Variants in MAPDA observed in about 807,000 individuals in gnomAD.
MAPDA encodes the protein N6-Methyl-AMP deaminase.
At chr15:43,350,900 ATT>A in the MAPDA span, 1 of 1,487,374 alleles carries the variant, frequency 6.7e-7, no homozygotes, top group Non-Finnish European at 9.2e-7. Flanking sequence ...GAGTTCACTT[ATT>A]TGCTTTTAAT....
chr15:43,351,557 C>T, the MAPDA span: 1 of 565,400 alleles, frequency 1.8e-6, no homozygotes, highest in Non-Finnish European at 3.0e-6. Flanking sequence ...AGAGTTGAAA[C>T]ACTGCTCTGG....
the MAPDA span, chr15:43,351,880 G>C: frequency 1.3e-6 from 2 of 1,551,670 alleles, no homozygotes; most frequent in Non-Finnish European, 1.7e-6. Context: ...CTTTGCTTCT[G>C]ACAGCACCAG....
At chr15:43,341,179 C>T in the MAPDA span, among the ~76,000 whole-genome samples, 3 of 152,044 alleles carry the variant, frequency 2.0e-5, no homozygotes, top group Non-Finnish European at 2.9e-5. Context: ...ATATGTAGCT[C>T]AGTAATCATT....
the MAPDA span, chr15:43,354,308 G>A: frequency 6.6e-6 from 1 of 152,174 alleles, no homozygotes; most frequent in Non-Finnish European, 1.5e-5. Flanking sequence ...AGATACGTGT[G>A]TGTAGCTTTG....
At chr15:43,334,650 T>TTTTATAATATATATATTTTAAA in the MAPDA span, among the ~76,000 whole-genome samples, 1 of 123,306 alleles carries the variant, frequency 8.1e-6, no homozygotes, top group African/African-American at 2.6e-5. Flanking sequence ...TATATATATA[T>TTTTATAATATATATATTTTAAA]ATATATATAT....
At chr15:43,345,783 T>G in the MAPDA span, 2 of 1,577,630 alleles carry the variant, frequency 1.3e-6, no homozygotes, top group East Asian at 4.5e-5. Context: ...CATCTCTGTC[T>G]GGCTGTACTC....
At chr15:43,353,102 T>C in the MAPDA span, 1 of 152,076 alleles carries the variant, frequency 6.6e-6, no homozygotes, top group Non-Finnish European at 1.5e-5. Flanking sequence ...CACTTTCTGC[T>C]TGGTCTGAAA....
the MAPDA span, among the ~76,000 whole-genome samples, chr15:43,342,283 T>C: frequency 6.6e-6 from 1 of 152,104 alleles, no homozygotes; most frequent in Non-Finnish European, 1.5e-5. Context: ...GAGGTTGCTC[T>C]GGAGAGTGCT....
the MAPDA span, among the ~76,000 whole-genome samples, chr15:43,337,133 G>A: frequency 2.6e-5 from 4 of 151,284 alleles, no homozygotes; most frequent in South Asian, 6.3e-4. Context: ...AAAATTAGCC[G>A]GGCATGGTGG....
chr15:43,345,321 C>A, the MAPDA span, among the ~76,000 whole-genome samples: 2 of 149,240 alleles, frequency 1.3e-5, no homozygotes, highest in Non-Finnish European at 3.0e-5. Context: ...CACCATTGCA[C>A]TCCAGCCTGG....
the MAPDA span, among the ~76,000 whole-genome samples, chr15:43,346,297 A>T: frequency 6.6e-6 from 1 of 152,206 alleles, no homozygotes; most frequent in Non-Finnish European, 1.5e-5. Context: ...CATACAATGG[A>T]TGGATGTCTT....
At chr15:43,336,560 A>T in the MAPDA span, 1 of 1,280,252 alleles carries the variant, frequency 7.8e-7, no homozygotes, top group Non-Finnish European at 1.1e-6. Context: ...CCTAAAATTT[A>T]ATTCATTCAG....
At chr15:43,347,815 A>G in the MAPDA span, among the ~76,000 whole-genome samples, 1 of 152,202 alleles carries the variant, frequency 6.6e-6, no homozygotes, top group Non-Finnish European at 1.5e-5. Context: ...AAGATTAGGG[A>G]AAAAAATCAG....
At chr15:43,343,927 C>A in the MAPDA span, among the ~76,000 whole-genome samples, 4 of 151,468 alleles carry the variant, frequency 2.6e-5, no homozygotes, top group Non-Finnish European at 5.9e-5. Flanking sequence ...AGAAGACATA[C>A]AAAGAGCTGG....
chr15:43,347,566 C>T, the MAPDA span, among the ~76,000 whole-genome samples: 2 of 152,186 alleles, frequency 1.3e-5, no homozygotes, highest in Non-Finnish European at 2.9e-5. Flanking sequence ...TTAGCATGAA[C>T]GTAGTAACAG....
At chr15:43,337,321 G>T in the MAPDA span, among the ~76,000 whole-genome samples, 1 of 151,858 alleles carries the variant, frequency 6.6e-6, no homozygotes, top group Admixed American at 6.6e-5. Context: ...CACAGATGGG[G>T]ATATCCTTAA....
chr15:43,345,748 G>C, the MAPDA span: 1 of 1,352,120 alleles, frequency 7.4e-7, no homozygotes, highest in Non-Finnish European at 1.0e-6. Flanking sequence ...ACTTTTCCTA[G>C]TGAGATGTAT....
At chr15:43,331,128 C>G in the MAPDA span, among the ~76,000 whole-genome samples, 1 of 152,224 alleles carries the variant, frequency 6.6e-6, no homozygotes, top group Middle Eastern at 3.2e-3. Flanking sequence ...GAAGACGTTT[C>G]CCCACAGATA....
the MAPDA span, chr15:43,334,884 A>C: frequency 4.6e-6 from 2 of 438,830 alleles, no homozygotes; most frequent in South Asian, 6.5e-5. Flanking sequence ...TTAAAGAAAA[A>C]ATTAACAAAA....
Sources: allele counts gnomAD v4.1 joint callset (sites outside exome capture counted in the v4.1 genomes callset), GRCh38; gene constraint gnomAD v4.1.1; transcripts MANE v1.5; gene names NCBI Gene and HGNC (gene_info 2026-07-23, HGNC 2026-07-21).